Variants in LDB2 observed in about 807,000 individuals in gnomAD.
LDB2 encodes the protein LIM domain binding 2, also known as LIM domain-binding protein 2.
In LDB2, 12 loss-of-function variants were observed where a neutral mutation model predicts 44.3. That is an observed-to-expected ratio of 0.27 (90% CI 0.17 to 0.44). The LOEUF is 0.44. Among genes scored for constraint, LDB2 ranks in the 20% least tolerant of loss-of-function variants. LDB2 has a pLI of 1.00. For synonymous variants in LDB2, 164 were observed against 174.8 expected (o/e 0.94, Z 0.49); for missense variants, 344 against 473.5 (o/e 0.73, Z 2.54).
In LDB2 at chr4:16,625,095, C is replaced by T. The variant is rs148949893; in HGVS notation, c.236-29220G>A. The stretch of plus-strand genomic sequence containing the variant: ...ACCTGATCCCCGCTTACCTCTTTTG[C>T]CCCATCACCTGCTAGTCCCCTGCAT... On this transcript the variant is annotated intron_variant, in intron 2 of 7. Coordinates refer to ENST00000304523, the MANE Select transcript of LDB2 (RefSeq NM_001290.5). 1.9e-3 allele frequency among the ~76,000 whole-genome samples: 287 copies of T among 152,188 alleles called. 1 individual carries two copies. Among genetic ancestry groups the T allele is most frequent in the African/African-American group, 5.5e-3 (228 of 41,532 alleles).
At chr4:16,881,671 C>A (rs1720171184) in intron 1 of LDB2, among the ~76,000 whole-genome samples, 1 of 144,186 alleles carries the variant, frequency 6.9e-6, no homozygotes, top group Admixed American at 7.0e-5. Flanking sequence ...CTATGATTAA[C>A]TTCCTGATAA....
intron 2 of LDB2, among the ~76,000 whole-genome samples, chr4:16,724,392 T>C (rs139133560): frequency 2.6e-5 from 4 of 151,140 alleles, no homozygotes; most frequent in Non-Finnish European, 5.9e-5. Flanking sequence ...GGCAACTAGA[T>C]AGTTGTGTTA....
intron 2 of LDB2, among the ~76,000 whole-genome samples, chr4:16,701,918 A>G (rs150758327): frequency 6.6e-4 from 100 of 152,356 alleles, no homozygotes; most frequent in African/African-American, 2.1e-3. Flanking sequence ...TACACAAGCT[A>G]GCTGTTATCA....
At chr4:16,722,636 G>A (rs143227799) in intron 2 of LDB2, among the ~76,000 whole-genome samples, 1,669 of 152,026 alleles carry the variant, frequency 0.011, 30 homozygotes, top group African/African-American at 0.037. Flanking sequence ...TTCTTCTCTC[G>A]GCACTCACCA....
At chr4:16,669,550 C>T (rs768544061) in intron 2 of LDB2, among the ~76,000 whole-genome samples, 3 of 152,162 alleles carry the variant, frequency 2.0e-5, no homozygotes, top group Admixed American at 6.5e-5. Flanking sequence ...ATCTCATATA[C>T]GTTGACAAAT....
intron 2 of LDB2, among the ~76,000 whole-genome samples, chr4:16,748,931 C>T (rs1282196954): frequency 1.3e-5 from 2 of 152,144 alleles, no homozygotes; most frequent in Non-Finnish European, 2.9e-5. Context: ...AACAAAAGCT[C>T]GCTGGATCTT....
intron 2 of LDB2, among the ~76,000 whole-genome samples, chr4:16,603,366 G>A (rs897635573): frequency 2.0e-5 from 3 of 152,204 alleles, no homozygotes; most frequent in Non-Finnish European, 2.9e-5. Flanking sequence ...GGGATGCAGA[G>A]ATGTTAATCA....
At chr4:16,821,164 G>A (rs1781890424) in intron 1 of LDB2, among the ~76,000 whole-genome samples, 1 of 152,128 alleles carries the variant, frequency 6.6e-6, no homozygotes, top group African/African-American at 2.4e-5. Context: ...GTGTTAAATT[G>A]TCTCGCTTTC....
chr4:16,556,391 G>A (rs943449315), intron 5 of LDB2, among the ~76,000 whole-genome samples: 11 of 152,192 alleles, frequency 7.2e-5, no homozygotes, highest in African/African-American at 2.7e-4. Context: ...CTTGGTGAGA[G>A]CAAGCAATAC....
chr4:16,799,451 C>A (rs1027220256), intron 1 of LDB2, among the ~76,000 whole-genome samples: 2 of 152,210 alleles, frequency 1.3e-5, no homozygotes, highest in Non-Finnish European at 2.9e-5. Context: ...GTGACAAATA[C>A]TTGTCAGAGC....
rs182091352 is a variant in LDB2 at position 16,502,454 on chromosome 4, G to C, written c.*189C>G. On this transcript the variant is annotated 3_prime_UTR_variant, in exon 8 of 8. Coordinates refer to ENST00000304523, the MANE Select transcript of LDB2 (RefSeq NM_001290.5). The stretch of plus-strand genomic sequence containing the variant: ...AGGCCTCCAAGAAAGGGTCATGGAA[G>C]CTTACTGGGAATAATCCTCTCAATT... 3.6e-5 allele frequency: 28 copies of C among 778,660 alleles called. No individual in the cohort carries two copies. In the African/African-American group the frequency reaches 4.5e-4, roughly 13 times the overall value. The allele number at this position is 778,660 out of a possible 1,614,324, so 48.2% of individuals were successfully genotyped here. A position where few individuals can be genotyped will look rare whatever the true frequency, so the allele number is the denominator to read the frequency against.
intron 2 of LDB2, among the ~76,000 whole-genome samples, chr4:16,641,080 G>A (rs1474220736): frequency 6.6e-6 from 1 of 152,190 alleles, no homozygotes; most frequent in Non-Finnish European, 1.5e-5. Flanking sequence ...GATGGACATA[G>A]ATGGAAACTG....
chr4:16,508,843 A>G (rs990884595), intron 6 of LDB2, among the ~76,000 whole-genome samples, 157 bp from the exon 7 acceptor site: 2 of 152,192 alleles, frequency 1.3e-5, no homozygotes, highest in African/African-American at 4.8e-5. Flanking sequence ...TAAAAGGAGA[A>G]AACTGTAGAT....
chr4:16,810,252 C>G (rs1212806291), intron 1 of LDB2, among the ~76,000 whole-genome samples: 3 of 152,160 alleles, frequency 2.0e-5, no homozygotes, highest in African/African-American at 7.2e-5. Flanking sequence ...CAGCAATATC[C>G]TTCAACATGA....
chr4:16,625,924 C>T (rs1730169572), intron 2 of LDB2, among the ~76,000 whole-genome samples: 1 of 152,128 alleles, frequency 6.6e-6, no homozygotes. Flanking sequence ...GGTCTTCTTA[C>T]TGGACCATCC....
chr4:16,548,999 G>A (rs1429032952), intron 5 of LDB2, among the ~76,000 whole-genome samples: 1 of 152,226 alleles, frequency 6.6e-6, no homozygotes, highest in South Asian at 2.1e-4. Flanking sequence ...TATATGATTA[G>A]GAGGTATTGG....
chr4:16,685,572 T>C (rs139545455), intron 2 of LDB2, among the ~76,000 whole-genome samples: 3 of 152,252 alleles, frequency 2.0e-5, no homozygotes, highest in African/African-American at 7.2e-5. Flanking sequence ...AATAAAGTCA[T>C]GTATGTGAAA....
intron 7 of LDB2, among the ~76,000 whole-genome samples, chr4:16,508,107 G>T (rs867262910): frequency 8.6e-5 from 11 of 127,400 alleles, no homozygotes; most frequent in South Asian, 7.3e-4. Context: ...GGACGCCCAT[G>T]TTGGGAAGGC....
chr4:16,561,478 A>T (rs1742230385), intron 5 of LDB2, among the ~76,000 whole-genome samples: 1 of 152,226 alleles, frequency 6.6e-6, no homozygotes, highest in Non-Finnish European at 1.5e-5. Flanking sequence ...ATTGCCTCAA[A>T]GAGAATAAAA....
Sources: gnomAD v4.1 joint callset for allele counts (sites outside exome capture counted in the v4.1 genomes callset) on GRCh38, gnomAD v4.1.1 for gene constraint, MANE v1.5 for transcripts, NCBI Gene and HGNC (gene_info 2026-07-23, HGNC 2026-07-21) for gene names.